The following FOXR1 variants were observed in gnomAD, a reference collection of about 807,000 sequenced individuals.
FOXR1 encodes the protein forkhead box protein R1.
Under a neutral mutation model 34.5 loss-of-function variants are expected in FOXR1, and 25 were observed. That is an observed-to-expected ratio of 0.72 (90% CI 0.53 to 1.01). The LOEUF is 1.01. Among genes scored for constraint, FOXR1 ranks in the 50% least tolerant of loss-of-function variants. FOXR1 has a pLI of 0.00. For synonymous variants in FOXR1, 153 were observed against 141.6 expected (o/e 1.08, Z -0.57); for missense variants, 373 against 376.2 (o/e 0.99, Z 0.07).
chr11:118,974,665 C>T (rs1326621199), intron 1 of FOXR1, among the ~76,000 whole-genome samples: 1 of 152,168 alleles, frequency 6.6e-6, no homozygotes, highest in Admixed American at 6.6e-5. Flanking sequence ...TTGAAAAGAT[C>T]ACTCTGGCTG....
chr11:118,979,282 T>C, intron 3 of FOXR1, 78 bp downstream of exon 3: 1 of 1,498,482 alleles, frequency 6.7e-7, no homozygotes, highest in Non-Finnish European at 8.9e-7. Context: ...AGTTCTGCTC[T>C]CTTAGCCATA....
intron 1 of FOXR1, among the ~76,000 whole-genome samples, chr11:118,974,836 C>G (rs57300701): frequency 0.1 from 15,575 of 152,050 alleles, 977 homozygotes; most frequent in South Asian, 0.26. Context: ...TGAGTATGAG[C>G]CTTCAAAGTG....
At position 118,978,946 on chromosome 11, in the gene FOXR1, G is replaced by A; in HGVS notation, c.137-11G>A. On this transcript the variant is annotated splice_polypyrimidine_tract_variant and intron_variant, in intron 2 of 5. Coordinates refer to ENST00000317011, the MANE Select transcript of FOXR1 (RefSeq NM_181721.3). ...AGTGGGCTGTGGCACACAATCTTTT[G>A]TTCTGCACAGGTCCAGATTATGAGC... 1.2e-6 allele frequency: 2 copies of A among 1,612,530 alleles called. No homozygotes were observed. The highest frequency in any genetic ancestry group is 2.2e-5 in the South Asian group (2 of 91,028).
chr11:118,972,970 C>A (rs1214664899), intron 1 of FOXR1, among the ~76,000 whole-genome samples: 1 of 152,174 alleles, frequency 6.6e-6, no homozygotes, highest in African/African-American at 2.4e-5. Context: ...ATCCATTTAA[C>A]GTCTGTTTTC....
intron 1 of FOXR1, 143 bp downstream of exon 1, chr11:118,972,135 C>CCCG (rs1941715400): frequency 3.5e-6 from 2 of 569,998 alleles, no homozygotes; most frequent in Non-Finnish European, 5.6e-6. Context: ...CCGCGCCCCC[C>CCCG]CCCCCCGACG....
intron 1 of FOXR1, among the ~76,000 whole-genome samples, chr11:118,977,143 G>C (rs915779469): frequency 3.3e-5 from 5 of 152,048 alleles, no homozygotes; most frequent in African/African-American, 1.2e-4. Flanking sequence ...TGATTCTCCT[G>C]CCTCAGCCTC....
Position 118,971,855 on chromosome 11 carries a change from A to G in FOXR1, c.-77A>G, listed in dbSNP as rs753853225. On this transcript the variant is annotated 5_prime_UTR_variant, in exon 1 of 6. Coordinates refer to ENST00000317011, the MANE Select transcript of FOXR1 (RefSeq NM_181721.3). ...GCCGCCGCGCCTCTGCCAGCCCCGAAGGTGGACGTGAAGCTCCAACACCTC... is the reference window on the plus strand; with the variant it reads ...GCCGCCGCGCCTCTGCCAGCCCCGAGGGTGGACGTGAAGCTCCAACACCTC... 6.7e-7 allele frequency: 1 copy of G among 1,488,976 alleles called. No homozygotes were observed. The highest frequency in any genetic ancestry group is 9.2e-7 in the Non-Finnish European group (1 of 1,092,710). 92.2% of individuals were successfully genotyped at this position (1,488,976 alleles called of 1,614,324 possible).
At chr11:118,977,862 G>A (rs1451851044) in intron 1 of FOXR1, among the ~76,000 whole-genome samples, 4 of 152,068 alleles carry the variant, frequency 2.6e-5, no homozygotes, top group African/African-American at 4.8e-5. Flanking sequence ...CGAAGCAGGA[G>A]GATTGCTTGA....
intron 4 of FOXR1, among the ~76,000 whole-genome samples, 193 bp downstream of exon 4, chr11:118,979,861 T>G (rs1941832646): frequency 1.3e-5 from 2 of 151,796 alleles, no homozygotes; most frequent in Non-Finnish European, 2.9e-5. Context: ...TGGCTTTAGT[T>G]TTTTTTTTCT....
chr11:118,979,323 A>G (rs1941821903), intron 3 of FOXR1, 119 bp downstream of exon 3: 1 of 1,491,440 alleles, frequency 6.7e-7, no homozygotes, highest in Non-Finnish European at 8.9e-7. Flanking sequence ...GAAATTACCT[A>G]CATGCTTGGG....
At chr11:118,972,115 G>C in intron 1 of FOXR1, 123 bp downstream of exon 1, 1 of 698,708 alleles carries the variant, frequency 1.4e-6, no homozygotes, top group Non-Finnish European at 2.0e-6. Context: ...GGCTTGGGGG[G>C]CCGAGCGCCC....
intron 1 of FOXR1, among the ~76,000 whole-genome samples, chr11:118,972,921 C>A (rs183283550): frequency 2.1e-4 from 32 of 152,292 alleles, no homozygotes; most frequent in Middle Eastern, 3.4e-3. Flanking sequence ...GTCTCCACCC[C>A]TCCTTCCATT....
Position 118,980,613 on chromosome 11 carries a change from G to C in FOXR1, c.735G>C (p.Arg245=). ...GCATGCAGGGCGGGGCCAGCACACGGCCTCGATCTTGCCTCTGGAAGTTGA... is the reference window on the plus strand; with the variant it reads ...GCATGCAGGGCGGGGCCAGCACACGCCCTCGATCTTGCCTCTGGAAGTTGA... The part of the protein sequence containing the change: ...PVSMQGGAST[R]PRSCLWKLTE... Residue 245 remains arginine, a synonymous_variant, in exon 5 of 6, where the codon CGG becomes CGC. Coordinates refer to ENST00000317011, the MANE Select transcript of FOXR1 (RefSeq NM_181721.3). 1 of 1,614,254 alleles carries C rather than the reference G, an allele frequency of 6.2e-7. No individual in the cohort carries two copies. Among genetic ancestry groups the C allele is most frequent in the Non-Finnish European group, 8.5e-7 (1 of 1,180,050 alleles).
intron 1 of FOXR1, 41 bp from the exon 2 acceptor site, chr11:118,978,740 AT>A: frequency 5.0e-6 from 8 of 1,606,658 alleles, no homozygotes; most frequent in Non-Finnish European, 6.8e-6. Context: ...ACAAAGGGAT[AT>A]TCTAGGATGT....
Position 118,977,412 on chromosome 11 carries a change from A to C in FOXR1, c.62-1370A>C, listed in dbSNP as rs77448333. On this transcript the variant is annotated intron_variant, in intron 1 of 5. Coordinates refer to ENST00000317011, the MANE Select transcript of FOXR1 (RefSeq NM_181721.3). ...GGTAACTGGCATCTTAATAGTATGT[A>C]TTATAAGTCTTTGTTCAAGTATTTT... Among the ~76,000 whole-genome samples, 22 of 152,272 alleles carry C rather than the reference A, an allele frequency of 1.4e-4. No individual in the cohort carries two copies. The East Asian group carries it at 4.2e-3, about 29-fold the overall frequency.
At chr11:118,973,326 G>T (rs777401979) in intron 1 of FOXR1, among the ~76,000 whole-genome samples, 1 of 152,136 alleles carries the variant, frequency 6.6e-6, no homozygotes, top group Non-Finnish European at 1.5e-5. Flanking sequence ...CATATAGTAT[G>T]CTATAAAGTG....
chr11:118,975,938 G>A (rs1021296120), intron 1 of FOXR1, among the ~76,000 whole-genome samples: 3 of 152,292 alleles, frequency 2.0e-5, no homozygotes, highest in African/African-American at 7.2e-5. Context: ...CACTTTGTTG[G>A]CCAAACCACA....
At chr11:118,980,466 C>T in intron 4 of FOXR1, 24 bp from the exon 5 acceptor site, 1 of 1,612,316 alleles carries the variant, frequency 6.2e-7, no homozygotes. Context: ...CATGCCTTTC[C>T]TTACCTCTCC....
At chr11:118,980,112 C>T (rs570695617) in intron 4 of FOXR1, 1 of 487,414 alleles carries the variant, frequency 2.1e-6, no homozygotes, top group South Asian at 1.6e-5. Context: ...GTCCTGCTCA[C>T]AGGAGGGTGA....
Sources: gnomAD v4.1 joint callset for allele counts (sites outside exome capture counted in the v4.1 genomes callset) on GRCh38, gnomAD v4.1.1 for gene constraint, MANE v1.5 for transcripts, NCBI Gene and HGNC (gene_info 2026-07-23, HGNC 2026-07-21) for gene names.